Variants in CBFA2T2 observed in about 807,000 individuals in gnomAD.
CBFA2T2 encodes CBFA2/RUNX1 partner transcriptional co-repressor 2, also known as protein CBFA2T2.
CBFA2T2 carries 11 observed loss-of-function variants against 62.2 expected under a neutral mutation model. That is an observed-to-expected ratio of 0.18 (90% CI 0.11 to 0.29). CBFA2T2 has a LOEUF of 0.29. Ranked by LOEUF, CBFA2T2 falls within the 10% of genes least tolerant of loss-of-function variation. The pLI, the probability that CBFA2T2 is intolerant of heterozygous loss-of-function variation, is 1.00. For synonymous variants in CBFA2T2, 295 were observed against 287.5 expected, an observed-to-expected ratio of 1.03 and a Z score of -0.27; for missense variants, 592 against 774.1, an observed-to-expected ratio of 0.76 and a Z score of 2.79.
intron 9 of CBFA2T2, 25 bp downstream of exon 9, chr20:33,636,733 C>T: frequency 6.5e-7 from 1 of 1,531,294 alleles, no homozygotes; most frequent in Non-Finnish European, 9.0e-7. Context: ...GCTTGTAGGT[C>T]ATACATACTC....
intron 1 of CBFA2T2, among the ~76,000 whole-genome samples, chr20:33,549,920 G>A (rs969072439): frequency 6.6e-6 from 1 of 150,728 alleles, no homozygotes; most frequent in Non-Finnish European, 1.5e-5. Flanking sequence ...GACCAAGAGG[G>A]AGATAGAACA....
chr20:33,576,658 G>C (rs1217492239), intron 1 of CBFA2T2, among the ~76,000 whole-genome samples: 1 of 152,268 alleles, frequency 6.6e-6, no homozygotes, highest in African/African-American at 2.4e-5. Context: ...TCTGGGCACA[G>C]CCCAGAGTGC....
chr20:33,567,023 C>T (rs1050526094), intron 1 of CBFA2T2, among the ~76,000 whole-genome samples: 1 of 152,150 alleles, frequency 6.6e-6, no homozygotes, highest in Non-Finnish European at 1.5e-5. Flanking sequence ...CCTCCAAGTT[C>T]AAGTCAGTAA....
chr20:33,522,864 T>G (rs561220318), intron 1 of CBFA2T2, among the ~76,000 whole-genome samples: 18 of 152,356 alleles, frequency 1.2e-4, no homozygotes, highest in African/African-American at 4.3e-4. Context: ...TACTTAAGGT[T>G]TAACTTCTTC....
chr20:33,635,182 G>C (rs1423570914), intron 8 of CBFA2T2, among the ~76,000 whole-genome samples: 3 of 152,320 alleles, frequency 2.0e-5, no homozygotes, highest in Non-Finnish European at 4.4e-5. Context: ...TTGAAAGTTA[G>C]AAGACAATTC....
chr20:33,636,527 T>A (rs2016638055), intron 8 of CBFA2T2, 113 bp from the exon 9 acceptor site: 1 of 727,146 alleles, frequency 1.4e-6, no homozygotes, highest in African/African-American at 1.8e-5. Flanking sequence ...AATTTTTTTA[T>A]ACTAAATGAA....
chr20:33,550,233 AT>A (rs1428761661), intron 1 of CBFA2T2, among the ~76,000 whole-genome samples: 5 of 152,180 alleles, frequency 3.3e-5, no homozygotes, highest in Non-Finnish European at 7.3e-5. Context: ...AGGGGCAATA[AT>A]TTTTAATACT....
intron 10 of CBFA2T2, among the ~76,000 whole-genome samples, chr20:33,643,825 ATGTGTGTGTGTGTGTGTG>A (rs58366038): frequency 1.4e-5 from 1 of 73,384 alleles, no homozygotes; most frequent in Non-Finnish European, 2.6e-5. Context: ...ATAGTATATA[ATGTGTGTGTGTGTGTGTG>A]TGTGTGTGTG....
In CBFA2T2 at chr20:33,538,772, A is replaced by G. The variant is rs140065543; in HGVS notation, c.34+48471A>G. Among the ~76,000 whole-genome samples, 63 of 151,358 alleles carry G rather than the reference A, an allele frequency of 4.2e-4. 2 individuals carry two copies. In the East Asian group the frequency reaches 0.012, roughly 28 times the overall value. Reference sequence around the variant, plus strand: ...TATTATCAGTATTTTCTGTGTTGTCACTGCTTCAGAGATTCTGTCCTTTTC... The same window carrying G: ...TATTATCAGTATTTTCTGTGTTGTCGCTGCTTCAGAGATTCTGTCCTTTTC... On this transcript the variant is annotated intron_variant, in intron 1 of 10. Transcript: ENST00000342704.
chr20:33,561,939 G>A (rs1287932076), intron 1 of CBFA2T2, among the ~76,000 whole-genome samples: 1 of 151,960 alleles, frequency 6.6e-6, no homozygotes, highest in African/African-American at 2.4e-5. Context: ...AAATTAATTT[G>A]CAACTTTATA....
At chr20:33,618,174 T>C (rs1334878064) in intron 3 of CBFA2T2, among the ~76,000 whole-genome samples, 11 of 76,352 alleles carry the variant, frequency 1.4e-4, no homozygotes, top group Non-Finnish European at 3.0e-4. Context: ...TATATTTTCC[T>C]TTTTTTTTTT....
chr20:33,627,294 G>A (rs2016270561), intron 6 of CBFA2T2, among the ~76,000 whole-genome samples: 1 of 152,104 alleles, frequency 6.6e-6, no homozygotes, highest in Non-Finnish European at 1.5e-5. Context: ...CTACTTGGGA[G>A]GCTGAGGCAG....
At chr20:33,528,926 GC>G (rs1443180403) in intron 1 of CBFA2T2, among the ~76,000 whole-genome samples, 1 of 152,192 alleles carries the variant, frequency 6.6e-6, no homozygotes, top group East Asian at 1.9e-4. Context: ...CAAGTTTTGG[GC>G]TCGTGATGCC....
rs2017077824 is a variant in CBFA2T2, at chr20:33,647,063, T to C, written c.*2417T>C. ...GTGGAACACATAAGCCCCACAGTTT[T>C]CCAGTCAGCCTAATACATGGGTATC... On this transcript the variant is annotated 3_prime_UTR_variant, in exon 11 of 11. Coordinates refer to ENST00000342704, the MANE Select transcript of CBFA2T2 (RefSeq NM_001032999.3). 6.6e-6 allele frequency: 1 copy of C among 152,126 alleles called. No individual in the cohort carries two copies. Among genetic ancestry groups the C allele is most frequent in the South Asian group, 2.1e-4 (1 of 4,828 alleles). 9.4% of individuals were successfully genotyped at this position (152,126 alleles called of 1,614,324 possible).
At chr20:33,617,935 A>G (rs2122317905) in intron 3 of CBFA2T2, among the ~76,000 whole-genome samples, 1 of 152,296 alleles carries the variant, frequency 6.6e-6, no homozygotes. Flanking sequence ...AATAACTGTT[A>G]TTGTGATTAT....
chr20:33,558,219 C>T (rs745485810), intron 1 of CBFA2T2, among the ~76,000 whole-genome samples: 4 of 151,918 alleles, frequency 2.6e-5, no homozygotes, highest in African/African-American at 4.8e-5. Flanking sequence ...GCAACCTCCG[C>T]CTCCCAAATT....
chr20:33,637,292 C>T (rs1309583657), intron 9 of CBFA2T2, among the ~76,000 whole-genome samples: 1 of 152,160 alleles, frequency 6.6e-6, no homozygotes, highest in Non-Finnish European at 1.5e-5. Flanking sequence ...TCTTGCCTCC[C>T]CATCCCAGTT....
intron 1 of CBFA2T2, among the ~76,000 whole-genome samples, chr20:33,510,762 A>G (rs961331830): frequency 3.3e-5 from 5 of 152,176 alleles, no homozygotes; most frequent in Admixed American, 2.6e-4. Flanking sequence ...ACAGTGTAAA[A>G]GCATTCCTAT....
At position 33,532,253 on chromosome 20, in the gene CBFA2T2, A is replaced by C. The variant is rs114513140; in HGVS notation, c.34+41952A>C. 3.5e-3 allele frequency among the ~76,000 whole-genome samples: 528 copies of C among 152,202 alleles called. 3 individuals are homozygous for C. The highest frequency in any genetic ancestry group is 0.012 in the African/African-American group (505 of 41,464). Reference sequence around the variant, plus strand: ...TACTTAACCTCTAATAGATTAAGGAAATAACTGTTATTGTTCAAGTATGGT... The same window carrying C: ...TACTTAACCTCTAATAGATTAAGGACATAACTGTTATTGTTCAAGTATGGT... On this transcript the variant is annotated intron_variant, in intron 1 of 10. Coordinates refer to ENST00000342704, the MANE Select transcript of CBFA2T2 (RefSeq NM_001032999.3).
Sources: allele counts gnomAD v4.1 joint callset (sites outside exome capture counted in the v4.1 genomes callset), GRCh38; gene constraint gnomAD v4.1.1; transcripts MANE v1.5; gene names NCBI Gene and HGNC (gene_info 2026-07-23, HGNC 2026-07-21).